Variants in PLCE1 observed in about 807,000 individuals in gnomAD.
PLCE1 encodes the protein 1-phosphatidylinositol 4,5-bisphosphate phosphodiesterase epsilon-1.
Under a neutral mutation model 242.8 loss-of-function variants are expected in PLCE1, and 119 were observed. The ratio of observed to expected loss-of-function variants is 0.49; its 90% CI spans 0.42 to 0.57. PLCE1 has a LOEUF of 0.57. PLCE1 is among the 20% of genes least tolerant of loss of function. The pLI, the probability that PLCE1 is intolerant of heterozygous loss-of-function variation, is 0.00. For missense variants in PLCE1, 2,441 were observed against 2,788.8 expected (o/e 0.88, Z 2.81); for synonymous variants, 945 against 1,017.4 (o/e 0.93, Z 1.35).
chr10:94,233,979 T>C, intron 5 of PLCE1, 75 bp from the exon 6 acceptor site: 1 of 1,309,032 alleles, frequency 7.6e-7, no homozygotes, highest in Non-Finnish European at 1.1e-6. Flanking sequence ...AATGAATTTG[T>C]ATGGAATTTA....
chr10:94,295,209 C>T (rs1210346610), intron 23 of PLCE1, among the ~76,000 whole-genome samples: 1 of 152,106 alleles, frequency 6.6e-6, no homozygotes, highest in African/African-American at 2.4e-5. Flanking sequence ...AGCCACCGCG[C>T]CCGGCCATGG....
At chr10:94,169,337 T>G (rs1373567700) in intron 3 of PLCE1, among the ~76,000 whole-genome samples, 1 of 152,142 alleles carries the variant, frequency 6.6e-6, no homozygotes, top group African/African-American at 2.4e-5. Context: ...TTTTGTTAGT[T>G]TTTAAGGAAA....
At chr10:94,266,294 C>T (rs6583932) in intron 16 of PLCE1, among the ~76,000 whole-genome samples, 149,438 of 152,336 alleles carry the variant, frequency 0.98, 73,310 homozygotes, top group East Asian at 1. Context: ...ATCTAATCGT[C>T]TCTCTAACTG....
chr10:94,283,753 G>C (rs1165509131), intron 20 of PLCE1, 37 bp from the exon 21 acceptor site: 1 of 1,601,814 alleles, frequency 6.2e-7, no homozygotes. Context: ...TGAAGCATTG[G>C]GTTCGTTTTC....
chr10:93,996,556 A>G lies in PLCE1; in HGVS notation c.-365+2298A>G, dbSNP rs77230174. 7.3e-3 allele frequency among the ~76,000 whole-genome samples: 1,105 copies of G among 152,356 alleles called. 9 individuals carry two copies. Among genetic ancestry groups the G allele is most frequent in the African/African-American group, 0.025 (1,050 of 41,574 alleles). On this transcript the variant is annotated intron_variant, in intron 1 of 32. Coordinates refer to ENST00000371380, the MANE Select transcript of PLCE1 (RefSeq NM_016341.4). ...TGGAGAAAGAGAGGAAGACGATATC[A>G]AAGATGCATTTTGTTATAGGCCAAC...
At chr10:94,063,996 G>A (rs1405503696) in intron 2 of PLCE1, among the ~76,000 whole-genome samples, 1 of 152,124 alleles carries the variant, frequency 6.6e-6, no homozygotes, top group Non-Finnish European at 1.5e-5. Flanking sequence ...GCAGGAGCAG[G>A]AGTAGGGGGA....
chr10:94,089,471 C>A, intron 2 of PLCE1: 2 of 873,302 alleles, frequency 2.3e-6, no homozygotes, highest in South Asian at 2.9e-5. Context: ...GCAGTGTTAG[C>A]CAAAATACAA....
At chr10:94,160,929 T>C (rs2047591682) in intron 3 of PLCE1, among the ~76,000 whole-genome samples, 1 of 152,212 alleles carries the variant, frequency 6.6e-6, no homozygotes, top group South Asian at 2.1e-4. Context: ...CTAAGCAGCA[T>C]TATTTCTGAG....
At chr10:94,078,642 T>A (rs1473480418) in intron 2 of PLCE1, among the ~76,000 whole-genome samples, 1 of 152,038 alleles carries the variant, frequency 6.6e-6, no homozygotes, top group African/African-American at 2.4e-5. Context: ...CCCACCACCA[T>A]GCCCGGATAA....
intron 4 of PLCE1, among the ~76,000 whole-genome samples, chr10:94,226,829 G>GTC (rs201332035): frequency 0.011 from 940 of 87,714 alleles, 103 homozygotes; most frequent in African/African-American, 0.04. Context: ...GGACCTATAG[G>GTC]TCTTTTTTTT....
At chr10:94,072,371 G>C (rs969434746) in intron 2 of PLCE1, among the ~76,000 whole-genome samples, 1 of 151,974 alleles carries the variant, frequency 6.6e-6, no homozygotes, top group Non-Finnish European at 1.5e-5. Context: ...CTGCCTCCCA[G>C]GTTCACGCCA....
At position 94,313,467 on chromosome 10, in the gene PLCE1, A is replaced by G. The variant is rs1051417498; in HGVS notation, c.6132+85A>G. 10 of 1,480,374 alleles carry G rather than the reference A, an allele frequency of 6.8e-6. No homozygotes were observed. The African/African-American group carries it at 1.4e-4, about 20-fold the overall frequency. 91.7% of individuals were successfully genotyped at this position (1,480,374 alleles called of 1,614,324 possible). ...TGTGTATAAATGCCTGTGTGTAAACATACACAGATGCACATGAATGCGCAA... is the reference window on the plus strand; with the variant it reads ...TGTGTATAAATGCCTGTGTGTAAACGTACACAGATGCACATGAATGCGCAA... On this transcript the variant is annotated intron_variant, in intron 28 of 32. Coordinates refer to ENST00000371380, the MANE Select transcript of PLCE1 (RefSeq NM_016341.4).
intron 19 of PLCE1, among the ~76,000 whole-genome samples, chr10:94,275,043 T>TA (rs2051891166): frequency 6.6e-6 from 1 of 152,184 alleles, no homozygotes; most frequent in Admixed American, 6.5e-5. Flanking sequence ...TAACCACACA[T>TA]ACCACTGTGG....
At chr10:94,010,533 T>G (rs1322979347) in intron 1 of PLCE1, among the ~76,000 whole-genome samples, 1 of 152,204 alleles carries the variant, frequency 6.6e-6, no homozygotes, top group Non-Finnish European at 1.5e-5. Flanking sequence ...GGCCAGGCTG[T>G]GAATTTTCCA....
chr10:94,060,371 G>A (rs1564655015), intron 2 of PLCE1, among the ~76,000 whole-genome samples: 1 of 152,100 alleles, frequency 6.6e-6, no homozygotes, highest in Non-Finnish European at 1.5e-5. Flanking sequence ...GGAATTATGT[G>A]AGGCCTACAA....
intron 3 of PLCE1, among the ~76,000 whole-genome samples, chr10:94,135,768 T>G (rs2046750659): frequency 6.6e-6 from 1 of 152,232 alleles, no homozygotes. Flanking sequence ...CATTTCTTGT[T>G]GAGGGGCAAT....
chr10:94,183,920 A>G (rs1184645454), intron 4 of PLCE1, among the ~76,000 whole-genome samples: 2 of 152,200 alleles, frequency 1.3e-5, no homozygotes, highest in Non-Finnish European at 2.9e-5. Flanking sequence ...TAAGCTATTC[A>G]TAAGGGATCC....
At chr10:94,011,147 C>T (rs2134268108) in intron 1 of PLCE1, among the ~76,000 whole-genome samples, 1 of 152,240 alleles carries the variant, frequency 6.6e-6, no homozygotes. Context: ...ATGAGTATGG[C>T]ACTGGCATCT....
intron 3 of PLCE1, among the ~76,000 whole-genome samples, chr10:94,137,006 C>T (rs1405001550): frequency 6.6e-6 from 1 of 152,202 alleles, no homozygotes; most frequent in Non-Finnish European, 1.5e-5. Context: ...TCCTGGCTAA[C>T]ATGGTGAAAC....
Sources: allele counts gnomAD v4.1 joint callset (sites outside exome capture counted in the v4.1 genomes callset), GRCh38; gene constraint gnomAD v4.1.1; transcripts MANE v1.5; gene names NCBI Gene and HGNC (gene_info 2026-07-23, HGNC 2026-07-21).